CLIC4: variants seen among roughly 807,000 people sequenced by gnomAD.
CLIC4 encodes chloride intracellular channel protein 4.
Under a neutral mutation model 24.6 loss-of-function variants are expected in CLIC4, and 13 were observed. That is an observed-to-expected ratio of 0.53 (90% CI 0.34 to 0.84). The LOEUF (loss-of-function observed/expected upper bound fraction) is 0.84. CLIC4 is among the 40% of genes least tolerant of loss of function. The probability of loss-of-function intolerance (pLI) is 0.01; values close to 1 mark genes in which losing one functional copy is unlikely to be tolerated. For missense variants in CLIC4, 227 were observed against 301.7 expected, an observed-to-expected ratio of 0.75 and a Z score of 1.83; for synonymous variants, 104 against 111.3, an observed-to-expected ratio of 0.93 and a Z score of 0.41.
chr1:24,836,872 GT>G (rs1639890958), intron 4 of CLIC4, among the ~76,000 whole-genome samples: 1 of 152,112 alleles, frequency 6.6e-6, no homozygotes, highest in African/African-American at 2.4e-5. Context: ...CAGCTAGAAA[GT>G]TTCTACATGT....
chr1:24,796,291 C>T (rs1639399519), intron 1 of CLIC4, among the ~76,000 whole-genome samples: 1 of 152,240 alleles, frequency 6.6e-6, no homozygotes, highest in South Asian at 2.1e-4. Context: ...CGGGTTCAAG[C>T]GATTCTCCTG....
intron 1 of CLIC4, 140 bp downstream of exon 1, chr1:24,745,765 C>T (rs1638682543): frequency 1.7e-6 from 1 of 598,158 alleles, no homozygotes; most frequent in Non-Finnish European, 2.6e-6. Flanking sequence ...CGCCCCCGGC[C>T]CATTGTCTGG....
chr1:24,810,014 C>G (rs2124147698), intron 2 of CLIC4, among the ~76,000 whole-genome samples: 1 of 152,316 alleles, frequency 6.6e-6, no homozygotes, highest in South Asian at 2.1e-4. Flanking sequence ...ATTCAGTTAT[C>G]AAGATCTTGC....
chr1:24,745,757 C>A lies in CLIC4; in HGVS notation c.72+132C>A, dbSNP rs1571223946. On this transcript the variant is annotated intron_variant, in intron 1 of 5. Coordinates refer to ENST00000374379, the MANE Select transcript of CLIC4 (RefSeq NM_013943.3). ...ACCCGTCCCGCTGCGGGCACCCGCG[C>A]CCCCGGCCCATTGTCTGGGGGCCGC... is the stretch of plus-strand genomic sequence containing the variant. 7.9e-6 allele frequency: 5 copies of A among 631,238 alleles called. No individual in the cohort carries two copies. The East Asian group carries it at 1.1e-4, about 14-fold the overall frequency. 39.1% of individuals were successfully genotyped at this position (631,238 alleles called of 1,614,324 possible).
intron 1 of CLIC4, among the ~76,000 whole-genome samples, chr1:24,752,763 G>A (rs1054203139): frequency 1.5e-4 from 23 of 152,008 alleles, no homozygotes; most frequent in East Asian, 1.9e-4. Context: ...TCGCTCTGTC[G>A]CCAGACTGGA....
At chr1:24,824,256 C>G (rs1639764963) in intron 3 of CLIC4, among the ~76,000 whole-genome samples, 1 of 152,134 alleles carries the variant, frequency 6.6e-6, no homozygotes, top group Non-Finnish European at 1.5e-5. Context: ...CAGGAGATTT[C>G]AGTTTTAGTT....
intron 1 of CLIC4, among the ~76,000 whole-genome samples, chr1:24,755,996 ATTTTTTTTTTTT>A (rs972121749): frequency 1.6e-5 from 1 of 63,392 alleles, no homozygotes; most frequent in African/African-American, 5.5e-5. Flanking sequence ...TAATTTTTTG[ATTTTTTTTTTTT>A]TTTTTTTTTG....
chr1:24,826,397 G>A (rs1035737324), intron 3 of CLIC4, among the ~76,000 whole-genome samples: 4 of 152,150 alleles, frequency 2.6e-5, no homozygotes, highest in African/African-American at 9.7e-5. Flanking sequence ...GACCAGCCTA[G>A]GCGCTTTTCC....
chr1:24,793,006 TG>T (rs1161050925), intron 1 of CLIC4, among the ~76,000 whole-genome samples: 1 of 152,208 alleles, frequency 6.6e-6, no homozygotes, highest in Non-Finnish European at 1.5e-5. Context: ...AGTTCCTACA[TG>T]TAATATCTTT....
At chr1:24,814,483 G>A (rs1220850721) in intron 3 of CLIC4, among the ~76,000 whole-genome samples, 1 of 152,180 alleles carries the variant, frequency 6.6e-6, no homozygotes, top group Non-Finnish European at 1.5e-5. Flanking sequence ...GGAAAGACTG[G>A]TTATTTGTGG....
At chr1:24,788,205 A>G (rs1322758718) in intron 1 of CLIC4, among the ~76,000 whole-genome samples, 1 of 151,390 alleles carries the variant, frequency 6.6e-6, no homozygotes, top group Non-Finnish European at 1.5e-5. Flanking sequence ...GGCCAGGCTG[A>G]TCTCGAACTC....
chr1:24,830,682 A>G (rs79927746), intron 4 of CLIC4, among the ~76,000 whole-genome samples: 2,270 of 152,242 alleles, frequency 0.015, 50 homozygotes, highest in African/African-American at 0.053. Flanking sequence ...GTTCTCTTAG[A>G]CAAGAAAGGG....
intron 4 of CLIC4, among the ~76,000 whole-genome samples, chr1:24,830,839 A>C (rs1056376325): frequency 2.6e-5 from 4 of 152,210 alleles, no homozygotes; most frequent in Non-Finnish European, 4.4e-5. Context: ...CTTATTAGCT[A>C]TAAGACAGGG....
chr1:24,759,392 A>G (rs576092388), intron 1 of CLIC4, among the ~76,000 whole-genome samples: 1 of 152,204 alleles, frequency 6.6e-6, no homozygotes, highest in African/African-American at 2.4e-5. Context: ...AACCAAGTAG[A>G]CAGTCAGATG....
chr1:24,828,846 A>C (rs1399531740), intron 4 of CLIC4, among the ~76,000 whole-genome samples: 1 of 152,254 alleles, frequency 6.6e-6, no homozygotes, highest in Admixed American at 6.5e-5. Context: ...AAACAACATA[A>C]TATAATACAT....
chr1:24,771,064 G>T (rs947882520), intron 1 of CLIC4, among the ~76,000 whole-genome samples: 1 of 152,070 alleles, frequency 6.6e-6, no homozygotes, highest in Non-Finnish European at 1.5e-5. Flanking sequence ...TTCCTTCTTA[G>T]AGCCCTTTGC....
intron 1 of CLIC4, among the ~76,000 whole-genome samples, chr1:24,752,318 A>G (rs1638786482): frequency 6.6e-6 from 1 of 152,162 alleles, no homozygotes. Flanking sequence ...AGTGGTTCAA[A>G]TATGATGGAA....
At chr1:24,748,435 A>G (rs947890678) in intron 1 of CLIC4, among the ~76,000 whole-genome samples, 2 of 145,554 alleles carry the variant, frequency 1.4e-5, no homozygotes, top group Non-Finnish European at 3.0e-5. Flanking sequence ...GAAATAAGAA[A>G]TGTTTTCTGC....
chr1:24,816,498 C>A (rs886311619), intron 3 of CLIC4, among the ~76,000 whole-genome samples: 6 of 152,132 alleles, frequency 3.9e-5, no homozygotes, highest in Non-Finnish European at 5.9e-5. Context: ...CCGTCTCGGC[C>A]TCCCAAAGTG....
Sources: allele counts gnomAD v4.1 joint callset (sites outside exome capture counted in the v4.1 genomes callset), GRCh38; gene constraint gnomAD v4.1.1; transcripts MANE v1.5; gene names NCBI Gene and HGNC (gene_info 2026-07-23, HGNC 2026-07-21).